Variants in SLK observed in about 807,000 individuals in gnomAD.
SLK encodes the protein STE20-like serine/threonine-protein kinase.
A neutral mutation model predicts 147.7 loss-of-function variants in SLK; 67 were observed. The observed-to-expected ratio is 0.45, with a 90% CI of 0.37 to 0.56. SLK has a LOEUF of 0.56. SLK is among the 20% of genes least tolerant of loss of function. The probability of loss-of-function intolerance (pLI) is 0.00; values close to 1 mark genes in which losing one functional copy is unlikely to be tolerated. For missense variants in SLK, 1,136 were observed against 1,438.8 expected (o/e 0.79, Z 3.41); for synonymous variants, 441 against 475.0 (o/e 0.93, Z 0.93).
chr10:103,980,042 A>G (rs534342077), intron 1 of SLK, among the ~76,000 whole-genome samples: 3 of 152,246 alleles, frequency 2.0e-5, no homozygotes, highest in African/African-American at 7.2e-5. Context: ...AGAGTGAGGT[A>G]AGGACCGAAT....
intron 7 of SLK, 146 bp from the exon 8 acceptor site, chr10:104,001,298 C>A: frequency 1.6e-6 from 1 of 609,874 alleles, no homozygotes. Context: ...CTTTCTTTCT[C>A]AGATGTAGCA....
chr10:103,973,955 A>C (rs1843826480), intron 1 of SLK, among the ~76,000 whole-genome samples: 1 of 152,190 alleles, frequency 6.6e-6, no homozygotes, highest in South Asian at 2.1e-4. Flanking sequence ...TTTTGGCTGC[A>C]AGAGTTGCTG....
chr10:104,018,789 G>T lies in SLK; in HGVS notation c.3013G>T (p.Glu1005Ter). Residue 1005 changes from glutamate (E) to a stop codon, truncating the protein, a stop_gained, in exon 15 of 19, where the codon GAA becomes TAA. Coordinates refer to ENST00000369755, the MANE Select transcript of SLK (RefSeq NM_014720.4). LOFTEE classifies it high-confidence loss of function. ...NNKQQLMRAR[E>*]AAIWELEERH... ...TGAAAACTGCTGTCTTCTAGCTCGAGAAGCTGCAATTTGGGAGCTCGAAGA... is the reference window on the plus strand; with the variant it reads ...TGAAAACTGCTGTCTTCTAGCTCGATAAGCTGCAATTTGGGAGCTCGAAGA... The T allele has an allele frequency of 6.2e-7, 1 of 1,610,424 alleles. No homozygotes were observed.
Position 104,025,908 on chromosome 10 carries a change from GA to G in SLK, c.*189del. ...GATGAAGGGAAAACGAACTAAGACAGACGCTAGGCCATGTTGGCAAAGTAGC... is the reference window on the plus strand; with the variant it reads ...GATGAAGGGAAAACGAACTAAGACAGCGCTAGGCCATGTTGGCAAAGTAGC... On this transcript the variant is annotated 3_prime_UTR_variant, in exon 19 of 19. Transcript: ENST00000369755. The G allele has an allele frequency of 2.0e-6, 1 of 498,510 alleles. No homozygotes were observed. Among genetic ancestry groups the G allele is most frequent in the South Asian group, 4.0e-5 (1 of 24,886 alleles). The allele number at this position is 498,510 out of a possible 1,614,324, so 30.9% of individuals were successfully genotyped here. A position where few individuals can be genotyped will look rare whatever the true frequency, so the allele number is the denominator to read the frequency against.
intron 1 of SLK, among the ~76,000 whole-genome samples, chr10:103,973,323 T>C (rs1455577583): frequency 2.6e-5 from 4 of 152,218 alleles, no homozygotes; most frequent in African/African-American, 4.8e-5. Flanking sequence ...TGCCCTGTTA[T>C]GTAGCATGTG....
intron 4 of SLK, among the ~76,000 whole-genome samples, chr10:103,994,640 A>G (rs780705646): frequency 5.3e-5 from 8 of 152,216 alleles, no homozygotes; most frequent in African/African-American, 1.4e-4. Flanking sequence ...GCCCCAGTAC[A>G]TGAAGAGATA....
intron 13 of SLK, among the ~76,000 whole-genome samples, chr10:104,015,706 G>C (rs1352372514): frequency 6.6e-6 from 1 of 152,140 alleles, no homozygotes; most frequent in African/African-American, 2.4e-5. Flanking sequence ...GTTTAATTTA[G>C]ACATAAATAC....
At position 103,993,237 on chromosome 10, in the gene SLK, A is replaced by G. The variant is rs1844124095; in HGVS notation, c.514+104A>G. On this transcript the variant is annotated intron_variant, in intron 4 of 18. Coordinates refer to ENST00000369755, the MANE Select transcript of SLK (RefSeq NM_014720.4). The stretch of plus-strand genomic sequence containing the variant: ...TTATTACTACTTAAATATGTGAAAC[A>G]TGGAGAACTAACTCCATGCTGGTTT... The G allele has an allele frequency of 6.6e-6, 5 of 752,288 alleles. No homozygotes were observed. The South Asian group carries it at 1.2e-4, about 18-fold the overall frequency. The allele number at this position is 752,288 out of a possible 1,614,324, so 46.6% of individuals were successfully genotyped here.
At chr10:103,975,118 A>C (rs1843852310) in intron 1 of SLK, among the ~76,000 whole-genome samples, 2 of 151,792 alleles carry the variant, frequency 1.3e-5, no homozygotes, top group Non-Finnish European at 2.9e-5. Context: ...TCCTTTTCTT[A>C]AGAGAACCGG....
rs68033075 is a variant in SLK, at chr10:103,989,464, C to CTTTTTTTTTTTT, written c.151-1201_151-1190dup. ...ATTTTGGAAGACAGTGTGGCAGTTT[C>CTTTTTTTTTTTT]TTTTTTTTTTTTTTTTTTTTTGGAG... is the stretch of plus-strand genomic sequence containing the variant. On this transcript the variant is annotated intron_variant, in intron 1 of 18. Coordinates refer to ENST00000369755, the MANE Select transcript of SLK (RefSeq NM_014720.4). 7.1e-4 allele frequency among the ~76,000 whole-genome samples: 56 copies of CTTTTTTTTTTTT among 78,588 alleles called. 3 individuals carry two copies. Among genetic ancestry groups the CTTTTTTTTTTTT allele is most frequent in the African/African-American group, 1.5e-3 (29 of 19,300 alleles). 51.6% of individuals were successfully genotyped at this position (78,588 alleles called of 152,430 possible).
intron 11 of SLK, among the ~76,000 whole-genome samples, chr10:104,006,928 A>G (rs925607488): frequency 1.3e-5 from 2 of 152,186 alleles, no homozygotes; most frequent in African/African-American, 4.8e-5. Flanking sequence ...TTACTTTTCA[A>G]TTTTTTTAAA....
At chr10:103,976,240 A>G (rs1156775176) in intron 1 of SLK, among the ~76,000 whole-genome samples, 2 of 152,124 alleles carry the variant, frequency 1.3e-5, no homozygotes, top group South Asian at 2.1e-4. Context: ...AATACGATTC[A>G]TGAATATTCT....
chr10:104,018,932 A>C, intron 15 of SLK, 24 bp downstream of exon 15: 1 of 1,546,482 alleles, frequency 6.5e-7, no homozygotes, highest in Non-Finnish European at 8.7e-7. Flanking sequence ...AAATTTCTTC[A>C]TTTTTTTGTT....
Position 104,019,915 on chromosome 10 carries a change from T to A in SLK, c.3314T>A (p.Ile1105Asn). ...ACACCAGATCAGGACCGTGATAAAA[T>A]TAAACAGGTAAATATGCAAGTTAGT... ...TATPDQDRDKIKQFAAQEEKR... is the reference protein window; with the variant it reads ...TATPDQDRDKNKQFAAQEEKR... Residue 1105 changes from isoleucine (I) to asparagine (N), a missense_variant, in exon 16 of 19, where the codon ATT becomes AAT. This residue lies in a region of SLK where 327 missense variants were observed against 457.5 expected (regional missense o/e 0.71). Transcript: ENST00000369755. 1 of 1,610,708 alleles carries A rather than the reference T, an allele frequency of 6.2e-7. No individual in the cohort carries two copies.
At chr10:103,986,251 A>G (rs1234545565) in intron 1 of SLK, among the ~76,000 whole-genome samples, 1 of 152,226 alleles carries the variant, frequency 6.6e-6, no homozygotes, top group African/African-American at 2.4e-5. Flanking sequence ...AAATAATTAC[A>G]CAACTCACCA....
At chr10:103,996,658 A>C (rs1453709382) in intron 4 of SLK, among the ~76,000 whole-genome samples, 7 of 152,084 alleles carry the variant, frequency 4.6e-5, no homozygotes, top group Admixed American at 3.9e-4. Context: ...TCAGCCTCCC[A>C]AAGTGCTGGG....
intron 17 of SLK, 28 bp from the exon 18 acceptor site, chr10:104,021,591 AT>A: frequency 7.3e-7 from 1 of 1,370,936 alleles, no homozygotes; most frequent in East Asian, 2.3e-5. Context: ...TTGATCTGAA[AT>A]TTTTTTAAAT....
chr10:104,005,208 A>G (rs1752128361), intron 9 of SLK, among the ~76,000 whole-genome samples: 2 of 152,200 alleles, frequency 1.3e-5, no homozygotes. Context: ...CAAATTGAAA[A>G]GATGAAAAAA....
chr10:104,001,731 A>G (rs1389198865), intron 8 of SLK, among the ~76,000 whole-genome samples, 159 bp downstream of exon 8: 2 of 151,920 alleles, frequency 1.3e-5, no homozygotes, highest in Admixed American at 6.6e-5. Flanking sequence ...TTTTTGTTAT[A>G]TTTCCCTTTT....
Sources: gnomAD v4.1 joint callset for allele counts (sites outside exome capture counted in the v4.1 genomes callset) on GRCh38, gnomAD v4.1.1 for gene constraint, gnomAD v4.1.1 regional missense constraint, MANE v1.5 for transcripts, NCBI Gene and HGNC (gene_info 2026-07-23, HGNC 2026-07-21) for gene names.